Variants in PIGN observed in about 807,000 individuals in gnomAD.
The protein encoded by PIGN is phosphatidylinositol glycan anchor biosynthesis class N.
In PIGN, 117 loss-of-function variants were observed where a neutral mutation model predicts 125.4. The observed-to-expected ratio is 0.93, with a 90% CI of 0.80 to 1.09. The LOEUF (loss-of-function observed/expected upper bound fraction) is 1.09. Ranked by LOEUF, PIGN falls within the 50% of genes least tolerant of loss-of-function variation. PIGN has a pLI of 0.00. For synonymous variants in PIGN, 392 were observed against 377.8 expected (o/e 1.04, Z -0.44); for missense variants, 1,075 against 1,094.9 (o/e 0.98, Z 0.26).
intron 23 of PIGN, among the ~76,000 whole-genome samples, chr18:62,031,408 C>A (rs610244): frequency 0.045 from 6,916 of 152,228 alleles, 533 homozygotes; most frequent in African/African-American, 0.16. Flanking sequence ...GAGGAAACAT[C>A]ATGGAACAAA....
chr18:62,090,723 G>A, intron 23 of PIGN, 145 bp from the exon 24 acceptor site: 1 of 535,410 alleles, frequency 1.9e-6, no homozygotes, highest in Non-Finnish European at 3.3e-6. Flanking sequence ...GAAGAAAGTA[G>A]GAAAGTAATA....
chr18:62,021,103 A>G (rs1275558964), intron 23 of PIGN, among the ~76,000 whole-genome samples: 2 of 152,224 alleles, frequency 1.3e-5, no homozygotes, highest in African/African-American at 4.8e-5. Flanking sequence ...TTCTTTTTAA[A>G]AATAAACATA....
At chr18:62,083,545 G>A (rs975466465) in intron 27 of PIGN, among the ~76,000 whole-genome samples, 3 of 152,134 alleles carry the variant, frequency 2.0e-5, no homozygotes, top group African/African-American at 4.8e-5. Context: ...GTCATCAAGT[G>A]TATTATGTCA....
At chr18:62,132,141 C>T (rs963368399) in intron 14 of PIGN, among the ~76,000 whole-genome samples, 4 of 152,094 alleles carry the variant, frequency 2.6e-5, no homozygotes, top group African/African-American at 9.7e-5. Context: ...TATAGGCCCA[C>T]ATTTACTTGA....
chr18:62,107,989 A>G (rs1425473728), intron 17 of PIGN, among the ~76,000 whole-genome samples: 1 of 152,172 alleles, frequency 6.6e-6, no homozygotes, highest in Non-Finnish European at 1.5e-5. Flanking sequence ...CATCACTAGG[A>G]AAAAAAGTTA....
intron 30 of PIGN, among the ~76,000 whole-genome samples, chr18:62,066,218 G>A (rs2032510477): frequency 6.6e-6 from 1 of 152,150 alleles, no homozygotes; most frequent in South Asian, 2.1e-4. Flanking sequence ...TTGGCAGCAT[G>A]CACAAAACAG....
downstream of PIGN, among the ~76,000 whole-genome samples, chr18:62,038,000 A>G (rs2030282598): frequency 6.6e-6 from 1 of 152,196 alleles, no homozygotes. Context: ...TGGAGGAATG[A>G]ACATGTAAGA....
In PIGN at chr18:62,104,785, A is replaced by G. The variant is rs377448694; in HGVS notation, c.1859+758T>C. On this transcript the variant is annotated intron_variant, in intron 20 of 30. Transcript: ENST00000640252. Reference sequence around the variant, plus strand: ...GAATGTTTTAAAAAATGCTTATAGCATTCTGAAGAAAGTAACAAAGATGAT... The same window carrying G: ...GAATGTTTTAAAAAATGCTTATAGCGTTCTGAAGAAAGTAACAAAGATGAT... 5.8e-4 allele frequency among the ~76,000 whole-genome samples: 88 copies of G among 152,312 alleles called. 2 individuals carry two copies. In the East Asian group the frequency reaches 6.2e-3, roughly 11 times the overall value.
intron 22 of PIGN, among the ~76,000 whole-genome samples, chr18:62,096,446 G>A (rs997827701): frequency 6.9e-6 from 1 of 145,202 alleles, no homozygotes; most frequent in Admixed American, 6.8e-5. Flanking sequence ...TTTTAACTAC[G>A]CCCATATTTT....
chr18:62,084,496 T>C, intron 27 of PIGN, 35 bp downstream of exon 27: 1 of 1,280,426 alleles, frequency 7.8e-7, no homozygotes, highest in East Asian at 2.5e-5. Flanking sequence ...AATCAATCAA[T>C]AGCTTAAGAC....
intron 27 of PIGN, among the ~76,000 whole-genome samples, chr18:62,083,132 C>T (rs2033528616): frequency 6.6e-6 from 1 of 152,158 alleles, no homozygotes; most frequent in Non-Finnish European, 1.5e-5. Context: ...ATTTGATTCA[C>T]AGATCCTTAA....
chr18:62,130,287 C>T (rs1476986932), intron 14 of PIGN, among the ~76,000 whole-genome samples: 1 of 152,156 alleles, frequency 6.6e-6, no homozygotes, highest in Non-Finnish European at 1.5e-5. Flanking sequence ...ATATATCTTC[C>T]TATCAACTGC....
At position 62,139,003 on chromosome 18, in the gene PIGN, G is replaced by A; in HGVS notation, c.1096C>T (p.Gln366Ter). The A allele has an allele frequency of 5.6e-6, 9 of 1,605,144 alleles. No individual in the cohort carries two copies. Among genetic ancestry groups the A allele is most frequent in the South Asian group, 1.1e-5 (1 of 90,294 alleles). The change falls in exon 13 of 31, where the codon CAG becomes TAG. Residue 366 changes from glutamine to a stop codon, truncating the protein, a stop_gained. Coordinates refer to ENST00000640252, the MANE Select transcript of PIGN (RefSeq NM_176787.5). LOFTEE classifies it high-confidence loss of function. ...KAESMFTNAV[Q>*]ILEQFKVKMT... ...TTTACCTTGAACTGTTCAAGAATCT[G>A]TACTGCATTTGTAAACATGCTCTCT...
chr18:62,126,135 T>C (rs1375178244), intron 14 of PIGN, among the ~76,000 whole-genome samples: 1 of 152,120 alleles, frequency 6.6e-6, no homozygotes, highest in Non-Finnish European at 1.5e-5. Flanking sequence ...AATTTCTATT[T>C]TTATTAACAA....
intron 20 of PIGN, among the ~76,000 whole-genome samples, chr18:62,104,401 T>C (rs1250072956): frequency 1.3e-5 from 2 of 152,154 alleles, no homozygotes; most frequent in East Asian, 1.9e-4. Context: ...AGGGGCTTTA[T>C]AGAAACAATA....
At chr18:62,183,336 A>G (rs2148013956) in intron 1 of PIGN, among the ~76,000 whole-genome samples, 1 of 152,104 alleles carries the variant, frequency 6.6e-6, no homozygotes, top group South Asian at 2.1e-4. Context: ...AAGGTCTTTT[A>G]TAGACTAGCC....
At chr18:62,088,970 A>G (rs2033838918) in intron 24 of PIGN, 128 bp from the exon 25 acceptor site, 1 of 586,308 alleles carries the variant, frequency 1.7e-6, no homozygotes, top group African/African-American at 1.9e-5. Flanking sequence ...AAAATAAACA[A>G]TAAACAATAA....
At chr18:62,155,171 G>C (rs553530725) in intron 6 of PIGN, among the ~76,000 whole-genome samples, 68 of 152,160 alleles carry the variant, frequency 4.5e-4, no homozygotes, top group Non-Finnish European at 9.4e-4. Context: ...CAAAGAGTTT[G>C]AAGGGGTCAA....
intron 14 of PIGN, among the ~76,000 whole-genome samples, chr18:62,127,195 T>C (rs1212703500): frequency 6.6e-6 from 1 of 152,160 alleles, no homozygotes; most frequent in East Asian, 1.9e-4. Flanking sequence ...CAACTTAAGA[T>C]AATGCTACAT....
Sources: allele counts gnomAD v4.1 joint callset (sites outside exome capture counted in the v4.1 genomes callset), GRCh38; gene constraint gnomAD v4.1.1; transcripts MANE v1.5; gene names NCBI Gene and HGNC (gene_info 2026-07-23, HGNC 2026-07-21).